SPMIP6: variants seen among roughly 807,000 people sequenced by gnomAD.
SPMIP6 encodes the protein ciliated bronchial epithelial protein 1.
chr9:34,384,020 A>C, the SPMIP6 span, among the ~76,000 whole-genome samples: 2 of 152,160 alleles, frequency 1.3e-5, no homozygotes, highest in African/African-American at 4.8e-5. Flanking sequence ...AGCCTGTCCT[A>C]CAAGGCCCTC....
At chr9:34,394,259 C>T in the SPMIP6 span, among the ~76,000 whole-genome samples, 1 of 152,126 alleles carries the variant, frequency 6.6e-6, no homozygotes, top group East Asian at 1.9e-4. Context: ...GGGTTCACAC[C>T]ATTCTCCTGC....
At chr9:34,391,728 T>G in the SPMIP6 span, among the ~76,000 whole-genome samples, 16 of 152,336 alleles carry the variant, frequency 1.1e-4, no homozygotes, top group Non-Finnish European at 1.8e-4. Flanking sequence ...GAGACAGTTA[T>G]TTTGTATGAT....
chr9:34,392,027 GA>G, the SPMIP6 span, among the ~76,000 whole-genome samples: 1 of 151,976 alleles, frequency 6.6e-6, no homozygotes, highest in Non-Finnish European at 1.5e-5. The surrounding 1 kb of genome is among the most constrained non-coding windows in gnomAD (Gnocchi z 4.6). Context: ...ACATTTTGTA[GA>G]GATGATATCT....
At chr9:34,381,036 C>G in the SPMIP6 span, 1 of 1,611,670 alleles carries the variant, frequency 6.2e-7, no homozygotes, top group South Asian at 1.1e-5. This position sits in a 1 kb window ranked among gnomAD's most constrained non-coding sequence, Gnocchi z 4.4. Flanking sequence ...GGCAGGCGGC[C>G]GGGCAGCGGG....
the SPMIP6 span, among the ~76,000 whole-genome samples, chr9:34,383,759 A>G: frequency 6.6e-6 from 1 of 152,216 alleles, no homozygotes; most frequent in Non-Finnish European, 1.5e-5. Flanking sequence ...AAATGGGGAT[A>G]ATAGTACCAT....
At chr9:34,382,460 C>T in the SPMIP6 span, among the ~76,000 whole-genome samples, 1 of 152,284 alleles carries the variant, frequency 6.6e-6, no homozygotes, top group Non-Finnish European at 1.5e-5. Flanking sequence ...TGGCGCATGC[C>T]TGTAATCCCA....
At chr9:34,387,154 G>T in the SPMIP6 span, among the ~76,000 whole-genome samples, 1 of 151,622 alleles carries the variant, frequency 6.6e-6, no homozygotes, top group Non-Finnish European at 1.5e-5. Flanking sequence ...CAGCCTCCCA[G>T]GCATGTGCAC....
the SPMIP6 span, chr9:34,380,850 G>T: frequency 6.6e-7 from 1 of 1,524,500 alleles, no homozygotes; most frequent in East Asian, 2.4e-5. Flanking sequence ...CTGGGGCGGG[G>T]CTTGTGTGGG....
At chr9:34,380,776 G>C in the SPMIP6 span, 1 of 1,546,872 alleles carries the variant, frequency 6.5e-7, no homozygotes, top group Non-Finnish European at 8.7e-7. Flanking sequence ...AGAGCGTGCA[G>C]CGCGGGGCTA....
chr9:34,384,834 A>T, the SPMIP6 span, among the ~76,000 whole-genome samples: 1 of 152,222 alleles, frequency 6.6e-6, no homozygotes, highest in Non-Finnish European at 1.5e-5. Context: ...GACAGTGAGT[A>T]TGGACCATGT....
chr9:34,380,716 G>T, the SPMIP6 span: 1 of 1,548,464 alleles, frequency 6.5e-7, no homozygotes, highest in Admixed American at 2.0e-5. Context: ...TCCCGCCTCA[G>T]TTGTTAGTTC....
the SPMIP6 span, among the ~76,000 whole-genome samples, chr9:34,393,665 A>G: frequency 3.9e-5 from 6 of 152,024 alleles, no homozygotes; most frequent in Non-Finnish European, 8.8e-5. Flanking sequence ...TTTAAATAAT[A>G]ACTGTTCTTT....
At chr9:34,390,746 A>G in the SPMIP6 span, among the ~76,000 whole-genome samples, 1 of 151,992 alleles carries the variant, frequency 6.6e-6, no homozygotes, top group Non-Finnish European at 1.5e-5. Context: ...CAGCCTCCGC[A>G]GCAGCTGGGA....
the SPMIP6 span, chr9:34,382,952 C>T: frequency 3.9e-5 from 37 of 953,420 alleles, no homozygotes; most frequent in South Asian, 2.0e-4. Flanking sequence ...GTTTCTCTTC[C>T]GATTCCCAGC....
At chr9:34,379,673 G>A in the SPMIP6 span, 1 of 1,614,152 alleles carries the variant, frequency 6.2e-7, no homozygotes, top group Non-Finnish European at 8.5e-7. The surrounding 1 kb of genome is among the most constrained non-coding windows in gnomAD (Gnocchi z 4.2). Flanking sequence ...GTAGTATGAC[G>A]GCGGGGGAGT....
chr9:34,386,960 G>A, the SPMIP6 span, among the ~76,000 whole-genome samples: 30 of 152,288 alleles, frequency 2.0e-4, 1 homozygote, highest in Non-Finnish European at 5.9e-5. Context: ...AAGTCAGATA[G>A]GGCTTCTTCC....
the SPMIP6 span, among the ~76,000 whole-genome samples, chr9:34,387,424 C>A: frequency 1.3e-5 from 2 of 152,162 alleles, no homozygotes; most frequent in Non-Finnish European, 2.9e-5. Context: ...GCAGCTCCTG[C>A]ACAGTCACAC....
chr9:34,388,885 C>A, the SPMIP6 span, among the ~76,000 whole-genome samples: 1 of 149,158 alleles, frequency 6.7e-6, no homozygotes, highest in African/African-American at 2.5e-5. Flanking sequence ...AGATATTTAT[C>A]TTTTCTGTTT....
chr9:34,379,560 C>T, the SPMIP6 span: 12 of 1,207,778 alleles, frequency 9.9e-6, no homozygotes, highest in Middle Eastern at 3.8e-4. This position sits in a 1 kb window ranked among gnomAD's most constrained non-coding sequence, Gnocchi z 4.2. Flanking sequence ...GCGTTCTCAT[C>T]CCGTCTACCA....
Sources: allele counts gnomAD v4.1 joint callset (sites outside exome capture counted in the v4.1 genomes callset), GRCh38; gene constraint gnomAD v4.1.1; non-coding constraint Gnocchi (gnomAD v3.1); transcripts MANE v1.5; gene names NCBI Gene and HGNC (gene_info 2026-07-23, HGNC 2026-07-21).